Variants in MYH9 observed in about 807,000 individuals in gnomAD.
MYH9 encodes myosin-9.
A neutral mutation model predicts 241.9 loss-of-function variants in MYH9; 29 were observed. That is an observed-to-expected ratio of 0.12 (90% CI 0.09 to 0.16). The LOEUF (loss-of-function observed/expected upper bound fraction) is 0.16, where lower values mean the gene tolerates loss of function less well. MYH9 is among the 10% of genes least tolerant of loss of function. The pLI, the probability that MYH9 is intolerant of heterozygous loss-of-function variation, is 1.00. For missense variants in MYH9, 1,803 were observed against 2,595.5 expected (o/e 0.69, Z 6.63); for synonymous variants, 1,047 against 1,062.6 (o/e 0.99, Z 0.29).
In MYH9 at chr22:36,295,289, C is replaced by G. The variant is rs1053350204; in HGVS notation, c.3486-213G>C. On this transcript the variant is annotated intron_variant, in intron 26 of 40. Coordinates refer to ENST00000216181, the MANE Select transcript of MYH9 (RefSeq NM_002473.6). The surrounding 1 kb of genome is among the most constrained non-coding windows in gnomAD (Gnocchi z 4.1). ...TAGCCTTTCAGCTTTAAAGCCCAGC[C>G]TTGCCTCACCCCCAACTTTGAGCCA... is the stretch of plus-strand genomic sequence containing the variant. Among the ~76,000 whole-genome samples the G allele has an allele frequency of 2.0e-5, 3 of 152,220 alleles. No homozygotes were observed. Among genetic ancestry groups the G allele is most frequent in the Non-Finnish European group, 2.9e-5 (2 of 68,034 alleles).
Position 36,285,072 on chromosome 22 carries a change from A to T in MYH9, c.5483+49T>A, listed in dbSNP as rs774690288. On this transcript the variant is annotated intron_variant, in intron 38 of 40. Transcript: ENST00000216181. This position sits in a 1 kb window ranked among gnomAD's most constrained non-coding sequence, Gnocchi z 7.0. ...ATTTGGGCAGGACTGCAGGGGGGCC[A>T]GAGTTTTTTCCAGGACAGCTGGGGT... 6.3e-7 allele frequency: 1 copy of T among 1,582,496 alleles called. No individual in the cohort carries two copies. Among genetic ancestry groups the T allele is most frequent in the Non-Finnish European group, 8.7e-7 (1 of 1,156,018 alleles).
chr22:36,383,510 G>T (rs552028504), intron 1 of MYH9, among the ~76,000 whole-genome samples: 1 of 152,138 alleles, frequency 6.6e-6, no homozygotes, highest in Non-Finnish European at 1.5e-5. Flanking sequence ...CACAACCACA[G>T]TCCACAACCA....
rs761808742 is a variant in MYH9, at chr22:36,304,038, T to C, written c.2347A>G (p.Ile783Val). Residue 783 changes from isoleucine to valine, a missense_variant, in exon 19 of 41, where the codon ATC (isoleucine) becomes GTC (valine). By Grantham distance (29) the Ile-to-Val change is conservative. Coordinates refer to ENST00000216181, the MANE Select transcript of MYH9 (RefSeq NM_002473.6). ...CTGCAGCAGGCCTGGAACCCTATGA[T>C]GACGTCGGTGATCTTCAGGTCTCGC... The part of the protein sequence containing the change: ...EERDLKITDV[I>V]IGFQACCRGY... 19 of 1,613,686 alleles carry C rather than the reference T, an allele frequency of 1.2e-5. No individual in the cohort carries two copies. Among genetic ancestry groups the C allele is most frequent in the Admixed American group, 1.7e-5 (1 of 60,002 alleles).
rs1187379791 is a variant in MYH9, at chr22:36,285,847, C to A, written c.5150+18G>T. 1.2e-6 allele frequency: 2 copies of A among 1,613,624 alleles called. No individual in the cohort carries two copies. Among genetic ancestry groups the A allele is most frequent in the Non-Finnish European group, 1.7e-6 (2 of 1,179,956 alleles). On this transcript the variant is annotated intron_variant, in intron 36 of 40. Coordinates refer to ENST00000216181, the MANE Select transcript of MYH9 (RefSeq NM_002473.6). The surrounding 1 kb of genome is among the most constrained non-coding windows in gnomAD (Gnocchi z 7.0). ...ACACACCTGGTCCCCCCCAACTCTG[C>A]CCCCTCACTCAGCTCACCCTTTGCC... is the stretch of plus-strand genomic sequence containing the variant.
At chr22:36,321,940 C>T (rs2017259946) in intron 6 of MYH9, 119 bp from the exon 7 acceptor site, 1 of 921,530 alleles carries the variant, frequency 1.1e-6, no homozygotes, top group South Asian at 1.3e-5. Context: ...AGGGAGAAAA[C>T]CCAGAGACGG....
At position 36,329,575 on chromosome 22, in the gene MYH9, G is replaced by GC; in HGVS notation, c.491-2088dup. 6.6e-6 allele frequency among the ~76,000 whole-genome samples: 1 copy of GC among 152,344 alleles called. No homozygotes were observed. Among genetic ancestry groups the GC allele is most frequent in the African/African-American group, 2.4e-5 (1 of 41,574 alleles). On this transcript the variant is annotated intron_variant, in intron 3 of 40. Coordinates refer to ENST00000216181, the MANE Select transcript of MYH9 (RefSeq NM_002473.6). This position sits in a 1 kb window ranked among gnomAD's most constrained non-coding sequence, Gnocchi z 4.1. ...GGCAAGAATGTACCTGCGAGTGCTG[G>GC]CAAGTCGTGAGCAGCCAACGGCCCA...
chr22:36,324,925 C>T, intron 5 of MYH9: 1 of 626,732 alleles, frequency 1.6e-6, no homozygotes, highest in South Asian at 1.9e-5. Flanking sequence ...AGATGTAAGG[C>T]ATATGATCTA....
Position 36,289,781 on chromosome 22 carries a change from C to T in MYH9, c.4345-484G>A, listed in dbSNP as rs911920417. On this transcript the variant is annotated intron_variant, in intron 31 of 40. Transcript: ENST00000216181. ...CACCCACCTGGCTCTATCCTATTTC[C>T]CCACCTTCCCTTCCTTTTGGCCCAA... Among the ~76,000 whole-genome samples, 22 of 152,078 alleles carry T rather than the reference C, an allele frequency of 1.4e-4. 1 individual carries two copies. The highest frequency in any genetic ancestry group is 4.8e-4 in the African/African-American group (20 of 41,406).
In MYH9 at chr22:36,300,799, C is replaced by T; in HGVS notation, c.2838+52G>A. 7 of 1,591,852 alleles carry T rather than the reference C, an allele frequency of 4.4e-6. No homozygotes were observed. Among genetic ancestry groups the T allele is most frequent in the Non-Finnish European group, 6.0e-6 (7 of 1,174,540 alleles). On this transcript the variant is annotated intron_variant, in intron 22 of 40. Coordinates refer to ENST00000216181, the MANE Select transcript of MYH9 (RefSeq NM_002473.6). The surrounding 1 kb of genome is among the most constrained non-coding windows in gnomAD (Gnocchi z 5.0). ...CCAGCTCCTGGTTCCTGCTCCTCCG[C>T]CCCGCCCTGCCCCTCCGGCGCCACC...
chr22:36,333,086 G>T lies in MYH9; in HGVS notation c.491-5598C>A, dbSNP rs1002692221. Among the ~76,000 whole-genome samples, 28 of 152,258 alleles carry T rather than the reference G, an allele frequency of 1.8e-4. 1 individual carries two copies. Among genetic ancestry groups the T allele is most frequent in the African/African-American group, 6.3e-4 (26 of 41,478 alleles). On this transcript the variant is annotated intron_variant, in intron 3 of 40. Coordinates refer to ENST00000216181, the MANE Select transcript of MYH9 (RefSeq NM_002473.6). ...GGCTGGATCAACAGGGAATAAGAGG[G>T]AAGGAGCTGGGACACACACAGGGAG...
At chr22:36,356,822 C>G (rs1333314651) in intron 1 of MYH9, among the ~76,000 whole-genome samples, 1 of 152,208 alleles carries the variant, frequency 6.6e-6, no homozygotes, top group Admixed American at 6.5e-5. Flanking sequence ...GTAGAGTAGA[C>G]AGAAAGCAAG....
In MYH9 at chr22:36,291,975, C is replaced by A; in HGVS notation, c.4344+11G>T. 1 of 1,614,106 alleles carries A rather than the reference C, an allele frequency of 6.2e-7. No homozygotes were observed. The highest frequency in any genetic ancestry group is 8.5e-7 in the Non-Finnish European group (1 of 1,180,036). On this transcript the variant is annotated intron_variant, in intron 31 of 40. Transcript: ENST00000216181. ...GAGGAAATGCAAAGGATGGGGCCAA[C>A]GGCCACACACCTGGTCAAACTTCTT... is the stretch of plus-strand genomic sequence containing the variant.
intron 1 of MYH9, among the ~76,000 whole-genome samples, chr22:36,354,344 G>A (rs1186188267): frequency 6.6e-6 from 1 of 151,904 alleles, no homozygotes; most frequent in African/African-American, 2.4e-5. Context: ...AGGCCTCACT[G>A]TCCAACATTT....
At chr22:36,358,158 C>T (rs136205) in intron 1 of MYH9, among the ~76,000 whole-genome samples, 1 of 151,992 alleles carries the variant, frequency 6.6e-6, no homozygotes. Flanking sequence ...TCCACCTCCC[C>T]GGTTCAAGCA....
intron 13 of MYH9, among the ~76,000 whole-genome samples, chr22:36,312,846 C>T (rs1225915044): frequency 6.6e-6 from 1 of 152,146 alleles, no homozygotes; most frequent in Non-Finnish European, 1.5e-5. Flanking sequence ...CGGTGGCTCA[C>T]GCCTGTAATC....
intron 1 of MYH9, among the ~76,000 whole-genome samples, chr22:36,385,680 G>C (rs2018341067): frequency 6.6e-6 from 1 of 152,160 alleles, no homozygotes; most frequent in Non-Finnish European, 1.5e-5. Context: ...GAGCTCCCCA[G>C]AGCCTGCCAA....
chr22:36,288,509 T>G lies in MYH9; in HGVS notation c.4771-96A>C. 6.6e-7 allele frequency: 1 copy of G among 1,526,108 alleles called. No homozygotes were observed. Among genetic ancestry groups the G allele is most frequent in the South Asian group, 1.1e-5 (1 of 88,966 alleles). 94.5% of individuals were successfully genotyped at this position (1,526,108 alleles called of 1,614,324 possible). On this transcript the variant is annotated intron_variant, in intron 33 of 40. Coordinates refer to ENST00000216181, the MANE Select transcript of MYH9 (RefSeq NM_002473.6). This position sits in a 1 kb window ranked among gnomAD's most constrained non-coding sequence, Gnocchi z 4.8. Reference sequence around the variant, plus strand: ...GGAGCCTCAGGCCAGTTCTGCAGGATCCATGGGGCCTCGGGAAACCAGTGG... The same window carrying G: ...GGAGCCTCAGGCCAGTTCTGCAGGAGCCATGGGGCCTCGGGAAACCAGTGG...
chr22:36,326,550 A>T lies in MYH9; in HGVS notation c.612+18T>A. 1 of 1,610,868 alleles carries T rather than the reference A, an allele frequency of 6.2e-7. No homozygotes were observed. Among genetic ancestry groups the T allele is most frequent in the Non-Finnish European group, 8.5e-7 (1 of 1,177,014 alleles). ...AGGCCAAGCAGGCGGCCACAGGGAC[A>T]AGGGCTGCAGCACTCACCTGGTCCT... is the stretch of plus-strand genomic sequence containing the variant. On this transcript the variant is annotated intron_variant, in intron 5 of 40. Coordinates refer to ENST00000216181, the MANE Select transcript of MYH9 (RefSeq NM_002473.6).
At chr22:36,291,056 G>A (rs940919382) in intron 31 of MYH9, among the ~76,000 whole-genome samples, 1 of 149,758 alleles carries the variant, frequency 6.7e-6, no homozygotes, top group East Asian at 2.0e-4. Context: ...GGAGGGAGGT[G>A]GGGGGGTCAG....
Sources: gnomAD v4.1 joint callset for allele counts (sites outside exome capture counted in the v4.1 genomes callset) on GRCh38, gnomAD v4.1.1 for gene constraint, Gnocchi (gnomAD v3.1) non-coding constraint, MANE v1.5 for transcripts, NCBI Gene and HGNC (gene_info 2026-07-23, HGNC 2026-07-21) for gene names.